Variants in PRH1 observed in about 807,000 individuals in gnomAD.
PRH1 encodes the protein salivary acidic proline-rich phosphoprotein 1/2.
PRH1 carries 7 observed loss-of-function variants against 7.9 expected under a neutral mutation model. That is an observed-to-expected ratio of 0.89 (90% CI 0.50 to 1.67). The LOEUF is 1.67. PRH1 is among the 40% of genes most tolerant of loss of function. PRH1 has a pLI of 0.00. For missense variants in PRH1, 109 were observed against 223.6 expected (o/e 0.49, Z 3.27); for synonymous variants, 45 against 80.8 (o/e 0.56, Z 2.38).
chr12:10,946,940 T>C (rs1950497040), intron 2 of PRH1, among the ~76,000 whole-genome samples: 1 of 152,206 alleles, frequency 6.6e-6, no homozygotes, highest in African/African-American at 2.4e-5. Flanking sequence ...TTGTATGCTT[T>C]AATAATTTTC....
intron 1 of PRH1, among the ~76,000 whole-genome samples, chr12:11,086,717 C>A (rs1355320010): frequency 1.7e-5 from 2 of 117,502 alleles, no homozygotes; most frequent in African/African-American, 5.7e-5. Flanking sequence ...AGTTTGAAAC[C>A]AGCATGGCCA....
intron 2 of PRH1, chr12:10,937,668 T>C: frequency 6.6e-6 from 1 of 152,246 alleles, no homozygotes; most frequent in South Asian, 2.1e-4. Context: ...AGAAGTAAAA[T>C]AATCATTATA....
intron 1 of PRH1, among the ~76,000 whole-genome samples, chr12:11,006,941 G>A (rs546460045): frequency 6.8e-4 from 104 of 152,074 alleles, no homozygotes; most frequent in South Asian, 1.9e-3. Context: ...GTGAATTCCC[G>A]TTTGCTAGTA....
intron 2 of PRH1, among the ~76,000 whole-genome samples, chr12:10,949,501 T>C (rs981173250): frequency 3.9e-5 from 6 of 152,236 alleles, no homozygotes; most frequent in Non-Finnish European, 8.8e-5. Flanking sequence ...CTTTTAAAAA[T>C]TAATTTAAAG....
intron 1 of PRH1, among the ~76,000 whole-genome samples, chr12:11,169,027 T>G (rs145741136): frequency 7.2e-5 from 11 of 152,302 alleles, no homozygotes; most frequent in African/African-American, 2.6e-4. Flanking sequence ...TGGTGTGGTG[T>G]GAACATAAGT....
chr12:10,942,779 T>C (rs1950423673), intron 2 of PRH1, among the ~76,000 whole-genome samples: 2 of 152,206 alleles, frequency 1.3e-5, no homozygotes, highest in African/African-American at 2.4e-5. Flanking sequence ...GATTTCCTTC[T>C]CTCTGTGGCA....
intron 2 of PRH1, among the ~76,000 whole-genome samples, chr12:10,966,628 A>G (rs1432174640): frequency 6.6e-6 from 1 of 152,206 alleles, no homozygotes; most frequent in Non-Finnish European, 1.5e-5. Flanking sequence ...AGAAAAACTG[A>G]ATCCAAAGAC....
At chr12:11,141,148 T>G (rs1188021008) in intron 1 of PRH1, among the ~76,000 whole-genome samples, 1 of 152,208 alleles carries the variant, frequency 6.6e-6, no homozygotes, top group Non-Finnish European at 1.5e-5. Context: ...ATCATCCAGG[T>G]GGAAATAGCC....
At chr12:11,119,329 TAGAA>T (rs1395096786), downstream of PRH1, among the ~76,000 whole-genome samples, 272 of 144,822 alleles carry the variant, frequency 1.9e-3, 1 homozygote, top group African/African-American at 6.5e-3. Flanking sequence ...AAAAAAAAAA[TAGAA>T]AGAGTGAATG....
At position 11,128,226 on chromosome 12, in the gene PRH1, T is replaced by G. The variant is rs546503428; in HGVS notation, n.40-7046A>C. On this transcript the variant is annotated intron_variant and non_coding_transcript_variant, in intron 1 of 1. Transcript: ENST00000541175. ...ATTTACACTTCTCTGTGTATGAATA[T>G]TCACTTTTACTTTTCTCTATTTATT... Among the ~76,000 whole-genome samples, 6 of 152,322 alleles carry G rather than the reference T, an allele frequency of 3.9e-5. No homozygotes were observed. In the South Asian group the frequency reaches 1.2e-3, roughly 32 times the overall value.
chr12:10,938,384 C>G, intron 2 of PRH1: 1 of 1,614,024 alleles, frequency 6.2e-7, no homozygotes, highest in Non-Finnish European at 8.5e-7. Context: ...ACATGAGTGA[C>G]ATGAAGGATA....
intron 1 of PRH1, among the ~76,000 whole-genome samples, chr12:11,099,257 C>T (rs1945158107): frequency 1.3e-5 from 2 of 152,088 alleles, no homozygotes; most frequent in Admixed American, 1.3e-4. Flanking sequence ...TTCCTCTTTC[C>T]ATTTACCATG....
intron 1 of PRH1, among the ~76,000 whole-genome samples, chr12:11,005,438 T>C (rs1251528019): frequency 2.0e-5 from 3 of 152,156 alleles, no homozygotes; most frequent in Non-Finnish European, 2.9e-5. Flanking sequence ...AAAAGGAACT[T>C]TGTTGTAACT....
chr12:10,936,911 C>A (rs1219729086), intron 2 of PRH1, among the ~76,000 whole-genome samples: 1 of 152,068 alleles, frequency 6.6e-6, no homozygotes, highest in Admixed American at 6.6e-5. Flanking sequence ...TGGTTATTAG[C>A]ATTTTCAGTA....
chr12:10,930,115 C>A (rs1371184941), intron 2 of PRH1, among the ~76,000 whole-genome samples: 1 of 152,180 alleles, frequency 6.6e-6, no homozygotes, highest in Non-Finnish European at 1.5e-5. Flanking sequence ...TCCCTTACAT[C>A]TTCTTCCACT....
chr12:10,965,083 T>C, intron 2 of PRH1: 1 of 1,244,008 alleles, frequency 8.0e-7, no homozygotes, highest in Non-Finnish European at 1.1e-6. Context: ...AATGGTTGGT[T>C]ACAGCCCAGG....
chr12:11,063,429 A>G (rs1396274754), intron 1 of PRH1, among the ~76,000 whole-genome samples: 1 of 152,102 alleles, frequency 6.6e-6, no homozygotes, highest in Non-Finnish European at 1.5e-5. Context: ...GGAGAGTGAG[A>G]AACTAATGAA....
rs151138649 is a variant in PRH1, at chr12:11,082,468, C to T, written n.124-35280G>A. On this transcript the variant is annotated intron_variant and non_coding_transcript_variant, in intron 1 of 4. Coordinates refer to the PRH1 transcript ENST00000541977. ...TACAGGTGGCTGCAACCACACCCAG[C>T]AATTTTTTTTTATTTTTTGTAGAGA... Among the ~76,000 whole-genome samples the T allele has an allele frequency of 2.5e-4, 29 of 113,780 alleles. 3 individuals are homozygous for T. In the East Asian group the frequency reaches 4.5e-3, roughly 18 times the overall value. The allele number at this position is 113,780 out of a possible 152,430, so 74.6% of individuals were successfully genotyped here. A position where few individuals can be genotyped will look rare whatever the true frequency, so the allele number is the denominator to read the frequency against.
intron 1 of PRH1, among the ~76,000 whole-genome samples, chr12:11,025,454 C>T (rs1289658448): frequency 6.7e-6 from 1 of 148,578 alleles, no homozygotes; most frequent in Non-Finnish European, 1.5e-5. Flanking sequence ...TCAACATACT[C>T]TATCTTCTAC....
Sources: gnomAD v4.1 joint callset for allele counts (sites outside exome capture counted in the v4.1 genomes callset) on GRCh38, gnomAD v4.1.1 for gene constraint, MANE v1.5 for transcripts, NCBI Gene and HGNC (gene_info 2026-07-23, HGNC 2026-07-21) for gene names.